The following SLC45A3 variants were observed in gnomAD, a reference collection of about 807,000 sequenced individuals.
The protein encoded by SLC45A3 is prostate cancer associated protein 2.
In SLC45A3, 17 loss-of-function variants were observed where a neutral mutation model predicts 35.3. That is an observed-to-expected ratio of 0.48 (90% CI 0.33 to 0.72). SLC45A3 has a LOEUF of 0.72. Among genes scored for constraint, SLC45A3 ranks in the 30% least tolerant of loss-of-function variants. The probability of loss-of-function intolerance (pLI) is 0.02; values close to 1 mark genes in which losing one functional copy is unlikely to be tolerated. For missense variants in SLC45A3, 597 were observed against 731.7 expected (o/e 0.82, Z 2.12); for synonymous variants, 288 against 334.3 (o/e 0.86, Z 1.51).
At chr1:205,660,020 G>A (rs1346383127) in intron 4 of SLC45A3, among the ~76,000 whole-genome samples, 1 of 152,296 alleles carries the variant, frequency 6.6e-6, no homozygotes, top group East Asian at 1.9e-4. Context: ...GAAGACGGTG[G>A]TAAGAGATGC....
At position 205,674,602 on chromosome 1, in the gene SLC45A3, CAA is replaced by C. The variant is rs57508315; in HGVS notation, c.-231+5790_-231+5791del. On this transcript the variant is annotated intron_variant, in intron 1 of 4. Coordinates refer to ENST00000367145, the MANE Select transcript of SLC45A3 (RefSeq NM_033102.3). Reference sequence around the variant, plus strand: ...ATGCCATCCAAAATTGATGCTGTTTCAAAAAAAAAAAAAAAAAAAAAAAAAAG... The same window carrying C: ...ATGCCATCCAAAATTGATGCTGTTTCAAAAAAAAAAAAAAAAAAAAAAAAG... Among the ~76,000 whole-genome samples the C allele has an allele frequency of 6.7e-3, 640 of 95,410 alleles. 5 individuals carry two copies. Among genetic ancestry groups the C allele is most frequent in the African/African-American group, 0.028 (559 of 19,890 alleles). 62.6% of individuals were successfully genotyped at this position (95,410 alleles called of 152,430 possible). A position where few individuals can be genotyped will look rare whatever the true frequency, so the allele number is the denominator to read the frequency against.
chr1:205,670,846 G>A (rs759206430), intron 1 of SLC45A3, among the ~76,000 whole-genome samples: 18 of 152,096 alleles, frequency 1.2e-4, no homozygotes, highest in East Asian at 1.9e-4. Context: ...CCGTCACTTC[G>A]GGCAGCAAAG....
At chr1:205,672,692 A>G (rs1469431770) in intron 1 of SLC45A3, among the ~76,000 whole-genome samples, 2 of 152,230 alleles carry the variant, frequency 1.3e-5, no homozygotes, top group Non-Finnish European at 2.9e-5. Flanking sequence ...ACTGGGAGCC[A>G]GGAGAGGGCA....
In SLC45A3 at chr1:205,659,326, T is replaced by C. The variant is rs1380852453; in HGVS notation, c.1570A>G (p.Met524Val). The change falls in exon 5 of 5, where the codon ATG (methionine) becomes GTG (valine). Residue 524 changes from methionine (M) to valine (V), a missense_variant. This residue lies in a region of SLC45A3 where 555 missense variants were observed against 664.9 expected (regional missense o/e 0.83). Coordinates refer to ENST00000367145, the MANE Select transcript of SLC45A3 (RefSeq NM_033102.3). The surrounding 1 kb of genome is among the most constrained non-coding windows in gnomAD (Gnocchi z 5.8). ...VQLSQSVTAY[M>V]VSAAGLGLVA... ...AGACCCAGGCCTGCGGCAGACACCA[T>C]ATAGGCAGTGACAGACTGGCTGAGC... The C allele has an allele frequency of 6.2e-7, 1 of 1,614,014 alleles. No individual in the cohort carries two copies. The highest frequency in any genetic ancestry group is 8.5e-7 in the Non-Finnish European group (1 of 1,180,026).
Position 205,662,465 on chromosome 1 carries a change from C to A in SLC45A3, c.959-339G>T. On this transcript the variant is annotated intron_variant, in intron 3 of 4. Coordinates refer to ENST00000367145, the MANE Select transcript of SLC45A3 (RefSeq NM_033102.3). The surrounding 1 kb of genome is among the most constrained non-coding windows in gnomAD (Gnocchi z 6.2). ...CTTCTAGGACGCCTGAGCTGGAAGGCGCTGGTGAGATTATTTGGAAAGTCG... is the reference window on the plus strand; with the variant it reads ...CTTCTAGGACGCCTGAGCTGGAAGGAGCTGGTGAGATTATTTGGAAAGTCG... 1 of 1,290,004 alleles carries A rather than the reference C, an allele frequency of 7.8e-7. No individual in the cohort carries two copies. The allele number at this position is 1,290,004 out of a possible 1,614,324, so 79.9% of individuals were successfully genotyped here.
rs1013542129 is a variant in SLC45A3, at chr1:205,669,785, G to A, written c.-230-4899C>T. On this transcript the variant is annotated intron_variant, in intron 1 of 4. Coordinates refer to ENST00000367145, the MANE Select transcript of SLC45A3 (RefSeq NM_033102.3). The surrounding 1 kb of genome is among the most constrained non-coding windows in gnomAD (Gnocchi z 4.1). ...AGCCCTCCCCACAGAAGGGGAAATC[G>A]GGGGCTGGTGAGGCACGAGGAATAA... Among the ~76,000 whole-genome samples the A allele has an allele frequency of 4.6e-5, 7 of 152,182 alleles. No homozygotes were observed. The highest frequency in any genetic ancestry group is 3.3e-4 in the Admixed American group (5 of 15,276).
At chr1:205,674,602 CAAAAAAAAA>C (rs57508315) in intron 1 of SLC45A3, among the ~76,000 whole-genome samples, 1,382 of 95,466 alleles carry the variant, frequency 0.014, 26 homozygotes, top group African/African-American at 0.059. Flanking sequence ...GATGCTGTTT[CAAAAAAAAA>C]AAAAAAAAAA....
intron 1 of SLC45A3, among the ~76,000 whole-genome samples, chr1:205,677,749 T>C (rs1671334895): frequency 6.6e-6 from 1 of 152,222 alleles, no homozygotes; most frequent in African/African-American, 2.4e-5. Context: ...AAATGATCGA[T>C]ACAATATATA....
intron 1 of SLC45A3, among the ~76,000 whole-genome samples, chr1:205,674,724 TTTTTC>T (rs1390576408): frequency 2.0e-5 from 3 of 151,990 alleles, no homozygotes; most frequent in African/African-American, 7.3e-5. Context: ...TATCTTTTCT[TTTTTC>T]TTTTTGAGAC....
At position 205,664,925 on chromosome 1, in the gene SLC45A3, A is replaced by C; in HGVS notation, c.-230-39T>G. 7.7e-7 allele frequency: 1 copy of C among 1,294,852 alleles called. No homozygotes were observed. The allele number at this position is 1,294,852 out of a possible 1,614,324, so 80.2% of individuals were successfully genotyped here. ...GCAATCACAAGCACACGGGGTGTTA[A>C]GTCCTGGGAGCCAGGTCTCCACGAT... On this transcript the variant is annotated intron_variant, in intron 1 of 4. Coordinates refer to ENST00000367145, the MANE Select transcript of SLC45A3 (RefSeq NM_033102.3). This position sits in a 1 kb window ranked among gnomAD's most constrained non-coding sequence, Gnocchi z 5.3.
In SLC45A3 at chr1:205,662,974, G is replaced by A. The variant is rs776589295; in HGVS notation, c.817C>T (p.Arg273Trp). The A allele has an allele frequency of 1.1e-5, 18 of 1,613,428 alleles. No individual in the cohort carries two copies. The highest frequency in any genetic ancestry group is 1.4e-5 in the Non-Finnish European group (16 of 1,179,962). Residue 273 changes from arginine (R) to tryptophan (W), a missense_variant, in exon 3 of 5, where the codon CGG (arginine) becomes TGG (tryptophan). Coordinates refer to ENST00000367145, the MANE Select transcript of SLC45A3 (RefSeq NM_033102.3). The surrounding 1 kb of genome is among the most constrained non-coding windows in gnomAD (Gnocchi z 6.2). The part of the protein sequence containing the change: ...LCCRMPRTLR[R>W]LFVAELCSWM... ...CTGCACAGCTCAGCCACGAAGAGCC[G>A]GCGCAGGGTGCGGGGCATGCGGCAG...
chr1:205,669,128 C>T lies in SLC45A3; in HGVS notation c.-230-4242G>A, dbSNP rs1235067129. Among the ~76,000 whole-genome samples the T allele has an allele frequency of 5.9e-5, 9 of 152,160 alleles. No homozygotes were observed. Among genetic ancestry groups the T allele is most frequent in the Non-Finnish European group, 1.3e-4 (9 of 68,014 alleles). On this transcript the variant is annotated intron_variant, in intron 1 of 4. Transcript: ENST00000367145. The surrounding 1 kb of genome is among the most constrained non-coding windows in gnomAD (Gnocchi z 4.1). ...AGCAAGGGTGAGGGCTTAAGTCCTCCTCCTCCCACGTGCTCGCCACACACC... is the reference window on the plus strand; with the variant it reads ...AGCAAGGGTGAGGGCTTAAGTCCTCTTCCTCCCACGTGCTCGCCACACACC...
rs1224489214 is a variant in SLC45A3, at chr1:205,659,630, G to A, written c.1266C>T (p.Ser422=). 22 of 1,539,160 alleles carry A rather than the reference G, an allele frequency of 1.4e-5. No individual in the cohort carries two copies. Among genetic ancestry groups the A allele is most frequent in the South Asian group, 6.4e-5 (5 of 77,662 alleles). Residue 422 remains serine, a synonymous_variant, in exon 5 of 5, where the codon AGC becomes AGT. Transcript: ENST00000367145. The surrounding 1 kb of genome is among the most constrained non-coding windows in gnomAD (Gnocchi z 5.8). ...AGCTGGTCATCAGGCTGTCCTCACT[G>A]CTAGCACCTCCAGTGTCCCCTCGGT... The part of the protein sequence containing the change: ...PKYRGDTGGA[S]SEDSLMTSFL...
Position 205,662,626 on chromosome 1 carries a change from T to C in SLC45A3, c.958+207A>G. 2 of 1,379,050 alleles carry C rather than the reference T, an allele frequency of 1.5e-6. No homozygotes were observed. The highest frequency in any genetic ancestry group is 1.9e-6 in the Non-Finnish European group (2 of 1,071,584). 85.4% of individuals were successfully genotyped at this position (1,379,050 alleles called of 1,614,324 possible). On this transcript the variant is annotated intron_variant, in intron 3 of 4. Transcript: ENST00000367145. The surrounding 1 kb of genome is among the most constrained non-coding windows in gnomAD (Gnocchi z 6.2). The stretch of plus-strand genomic sequence containing the variant: ...ACTGGGGCAACGACTCTGATCAGAC[T>C]CCTAGAGCAGCCAGAGGCCTTCCTG...
rs370670814 is a variant in SLC45A3 at position 205,662,977 on chromosome 1, G to A, written c.814C>T (p.Arg272Cys). The A allele has an allele frequency of 1.9e-5, 30 of 1,613,510 alleles. No individual in the cohort carries two copies. In the African/African-American group the frequency reaches 3.5e-4, roughly 19 times the overall value. Residue 272 changes from arginine (R) to cysteine (C), a missense_variant, in exon 3 of 5, where the codon CGC becomes TGC. Transcript: ENST00000367145. The surrounding 1 kb of genome is among the most constrained non-coding windows in gnomAD (Gnocchi z 6.2). ...CACAGCTCAGCCACGAAGAGCCGGCGCAGGGTGCGGGGCATGCGGCAGCAC... is the reference window on the plus strand; with the variant it reads ...CACAGCTCAGCCACGAAGAGCCGGCACAGGGTGCGGGGCATGCGGCAGCAC... ...QLCCRMPRTL[R>C]RLFVAELCSW...
rs150020096 is a variant in SLC45A3, at chr1:205,661,436, T to C, written c.1224+425A>G. On this transcript the variant is annotated intron_variant, in intron 4 of 4. Coordinates refer to ENST00000367145, the MANE Select transcript of SLC45A3 (RefSeq NM_033102.3). ...AGACCAGAGTAGGATACAGGCTAAGTCAGGTTGCTGCTCCCTGAAGAAAGG... is the reference window on the plus strand; with the variant it reads ...AGACCAGAGTAGGATACAGGCTAAGCCAGGTTGCTGCTCCCTGAAGAAAGG... 7.1e-3 allele frequency among the ~76,000 whole-genome samples: 1,079 copies of C among 152,152 alleles called. 2 individuals carry two copies. The highest frequency in any genetic ancestry group is 0.011 in the Non-Finnish European group (721 of 67,986).
chr1:205,661,978 T>C lies in SLC45A3; in HGVS notation c.1107A>G (p.Thr369=), dbSNP rs1184495760. The C allele has an allele frequency of 2.5e-6, 4 of 1,614,032 alleles. No homozygotes were observed. The highest frequency in any genetic ancestry group is 1.7e-5 in the Admixed American group (1 of 60,010). ...CCACGGCCACACTGTGGGACAGGCATGTGGCACCGGCAGCCACAGGGAAAG... is the reference window on the plus strand; with the variant it reads ...CCACGGCCACACTGTGGGACAGGCACGTGGCACCGGCAGCCACAGGGAAAG... ...VAAFPVAAGA[T]CLSHSVAVVT... The change falls in exon 4 of 5, where the codon ACA becomes ACG. Residue 369 remains threonine, a synonymous_variant. Transcript: ENST00000367145.
rs1343178664 is a variant in SLC45A3, at chr1:205,658,205, A to AGGAC, written c.*1028_*1029insGTCC. The AGGAC allele has an allele frequency of 1.7e-5, 4 of 231,850 alleles. No homozygotes were observed. Among genetic ancestry groups the AGGAC allele is most frequent in the Admixed American group, 1.1e-4 (2 of 17,736 alleles). The allele number at this position is 231,850 out of a possible 1,614,324, so 14.4% of individuals were successfully genotyped here. A position where few individuals can be genotyped will look rare whatever the true frequency, so the allele number is the denominator to read the frequency against. On this transcript the variant is annotated 3_prime_UTR_variant, in exon 5 of 5. Transcript: ENST00000367145. The stretch of plus-strand genomic sequence containing the variant: ...AGGGGAAATTTTGGGCAGTGCCTTC[A>AGGAC]TCAGCCCAGTCCTAGAGAGAGTAGA...
chr1:205,675,384 G>A (rs764291948), intron 1 of SLC45A3, among the ~76,000 whole-genome samples: 15 of 152,028 alleles, frequency 9.9e-5, no homozygotes, highest in East Asian at 1.9e-4. Flanking sequence ...GGCCTGCCTC[G>A]GAAGAGAATA....
Sources: allele counts gnomAD v4.1 joint callset (sites outside exome capture counted in the v4.1 genomes callset), GRCh38; gene constraint gnomAD v4.1.1; regional missense constraint gnomAD v4.1.1; non-coding constraint Gnocchi (gnomAD v3.1); transcripts MANE v1.5; gene names NCBI Gene and HGNC (gene_info 2026-07-23, HGNC 2026-07-21).